Variants in ZNF398 observed in about 807,000 individuals in gnomAD.
ZNF398 encodes zinc finger DNA binding protein ZER6.
Under a neutral mutation model 41.9 loss-of-function variants are expected in ZNF398, and 18 were observed. The observed-to-expected ratio is 0.43, with a 90% CI of 0.30 to 0.64. The LOEUF (loss-of-function observed/expected upper bound fraction) is 0.64, where lower values mean the gene tolerates loss of function less well. Ranked by LOEUF, ZNF398 falls within the 30% of genes least tolerant of loss-of-function variation. ZNF398 has a pLI of 0.14. For synonymous variants in ZNF398, 260 were observed against 308.8 expected, an observed-to-expected ratio of 0.84 and a Z score of 1.66; for missense variants, 669 against 822.8, an observed-to-expected ratio of 0.81 and a Z score of 2.29.
intron 4 of ZNF398, among the ~76,000 whole-genome samples, chr7:149,172,311 T>C (rs1232568408): frequency 6.6e-6 from 1 of 152,218 alleles, no homozygotes; most frequent in Non-Finnish European, 1.5e-5. Flanking sequence ...TCTTGCACTA[T>C]CCTGCCCTGT....
intron 1 of ZNF398, among the ~76,000 whole-genome samples, chr7:149,148,762 C>T (rs560027641): frequency 6.6e-6 from 1 of 151,968 alleles, no homozygotes; most frequent in African/African-American, 2.4e-5. Flanking sequence ...CCGCGGCCCC[C>T]AGGCCGCATG....
intron 2 of ZNF398, among the ~76,000 whole-genome samples, chr7:149,137,257 C>G (rs1379806983): frequency 6.6e-6 from 1 of 152,146 alleles, no homozygotes; most frequent in African/African-American, 2.4e-5. Flanking sequence ...ATCCATGTGT[C>G]TATCCCTTCC....
intron 4 of ZNF398, among the ~76,000 whole-genome samples, chr7:149,175,356 A>C (rs74606420): frequency 1.3e-5 from 2 of 152,002 alleles, no homozygotes; most frequent in African/African-American, 4.8e-5. Context: ...AAAAAAAAAA[A>C]TAATAAAGCC....
At chr7:149,162,391 C>T (rs905119321) in intron 2 of ZNF398, among the ~76,000 whole-genome samples, 2 of 152,110 alleles carry the variant, frequency 1.3e-5, no homozygotes, top group African/African-American at 4.8e-5. Context: ...ACCATGTTAG[C>T]CAGGATGGTC....
At chr7:149,150,490 TC>T (rs1224268839) in intron 1 of ZNF398, among the ~76,000 whole-genome samples, 1 of 151,988 alleles carries the variant, frequency 6.6e-6, no homozygotes, top group Non-Finnish European at 1.5e-5. Context: ...TCCCGGCTAC[TC>T]GGGAGGCTGA....
At chr7:149,136,143 TTA>T (rs1412151105) in intron 2 of ZNF398, among the ~76,000 whole-genome samples, 1 of 138,386 alleles carries the variant, frequency 7.2e-6, no homozygotes, top group African/African-American at 2.5e-5. Flanking sequence ...ATTTATTTAT[TTA>T]TATGTTTATT....
intron 2 of ZNF398, among the ~76,000 whole-genome samples, chr7:149,130,005 GTCA>G (rs1003227768): frequency 4.6e-5 from 7 of 151,826 alleles, no homozygotes; most frequent in African/African-American, 1.7e-4. Context: ...CTCCATGTTG[GTCA>G]GGCTGGTCTC....
chr7:149,171,577 G>A (rs1795344197), intron 4 of ZNF398, among the ~76,000 whole-genome samples: 1 of 151,816 alleles, frequency 6.6e-6, no homozygotes, highest in East Asian at 1.9e-4. Context: ...TCACCATGTT[G>A]GCCAGGCTGG....
intron 3 of ZNF398, among the ~76,000 whole-genome samples, 180 bp from the exon 4 acceptor site, chr7:149,166,637 G>A (rs573744781): frequency 1.3e-5 from 2 of 152,266 alleles, no homozygotes; most frequent in South Asian, 2.1e-4. Flanking sequence ...CATCTCCACT[G>A]CCTGCTTTCC....
chr7:149,171,382 T>C (rs549261079), intron 4 of ZNF398, among the ~76,000 whole-genome samples: 4 of 152,282 alleles, frequency 2.6e-5, no homozygotes, highest in African/African-American at 9.6e-5. Context: ...TTTACTTATT[T>C]TTTTGAAATG....
chr7:149,150,940 C>T (rs1827095215), intron 1 of ZNF398, among the ~76,000 whole-genome samples: 1 of 152,150 alleles, frequency 6.6e-6, no homozygotes, highest in Non-Finnish European at 1.5e-5. Flanking sequence ...AAACTCCTGA[C>T]CTCAGGTGAT....
upstream of ZNF398, among the ~76,000 whole-genome samples, chr7:149,142,599 G>A (rs555481827): frequency 3.0e-4 from 46 of 152,292 alleles, no homozygotes; most frequent in African/African-American, 9.9e-4. Flanking sequence ...GCCTGGAGGC[G>A]GAGCTTGCAG....
intron 2 of ZNF398, among the ~76,000 whole-genome samples, chr7:149,133,854 C>T (rs1390840008): frequency 2.7e-5 from 4 of 149,054 alleles, no homozygotes; most frequent in South Asian, 2.1e-4. Context: ...TGCGTTCAAG[C>T]GATTCTCCTG....
intron 2 of ZNF398, among the ~76,000 whole-genome samples, chr7:149,129,185 A>G (rs1045500978): frequency 1.3e-5 from 2 of 152,004 alleles, no homozygotes; most frequent in African/African-American, 4.8e-5. Context: ...TTGTCATGCA[A>G]TGTTATGCCA....
chr7:149,140,345 C>G (rs1826794797), intron 2 of ZNF398, among the ~76,000 whole-genome samples: 1 of 151,992 alleles, frequency 6.6e-6, no homozygotes, highest in Non-Finnish European at 1.5e-5. Context: ...ATTCTAGTTA[C>G]TATGGAATTA....
In ZNF398 at chr7:149,154,451, T is replaced by C. The variant is rs1794928250; in HGVS notation, c.420+111T>C. ...TATTTCCTTTTAAAGTTTCTTAAAA[T>C]ATCTCAGTCTGAAAGAATCATGAAG... On this transcript the variant is annotated intron_variant, in intron 2 of 5. Transcript: ENST00000475153. 1.2e-5 allele frequency: 15 copies of C among 1,230,890 alleles called. No individual in the cohort carries two copies. In the East Asian group the frequency reaches 3.8e-4, roughly 31 times the overall value. The allele number at this position is 1,230,890 out of a possible 1,614,324, so 76.2% of individuals were successfully genotyped here.
chr7:149,154,080 G>C lies in ZNF398; in HGVS notation c.160G>C (p.Glu54Gln), dbSNP rs1794918591. ...AGTGGTGGCCGCCGTGCAGGCTATA[G>C]AGAGGAAGGTGGAGATCCACAGCCG... Reference protein sequence around the residue: ...WTVVAAVQAIERKVEIHSRRL... With the variant: ...WTVVAAVQAIQRKVEIHSRRL... Residue 54 changes from glutamate (E) to glutamine (Q), a missense_variant, in exon 2 of 6, where the codon GAG (glutamate) becomes CAG (glutamine). By Grantham distance (29) the Glu-to-Gln change is conservative. Transcript: ENST00000475153. 3 of 1,614,060 alleles carry C rather than the reference G, an allele frequency of 1.9e-6. No homozygotes were observed. The highest frequency in any genetic ancestry group is 3.3e-5 in the Admixed American group (2 of 59,992).
chr7:149,138,290 G>C (rs142932235), intron 2 of ZNF398, among the ~76,000 whole-genome samples: 3 of 149,962 alleles, frequency 2.0e-5, no homozygotes, highest in African/African-American at 7.4e-5. Context: ...TTTCAAAACA[G>C]TATTTATGGC....
chr7:149,169,009 A>G (rs1196204908), intron 4 of ZNF398, among the ~76,000 whole-genome samples: 1 of 152,216 alleles, frequency 6.6e-6, no homozygotes, highest in East Asian at 1.9e-4. Flanking sequence ...CTTATTGGGT[A>G]TATTTCTTTG....
Sources: gnomAD v4.1 joint callset for allele counts (sites outside exome capture counted in the v4.1 genomes callset) on GRCh38, gnomAD v4.1.1 for gene constraint, MANE v1.5 for transcripts, NCBI Gene and HGNC (gene_info 2026-07-23, HGNC 2026-07-21) for gene names.